The following EFNA5 variants were observed in gnomAD, a reference collection of about 807,000 sequenced individuals.
EFNA5 encodes ephrin A5.
EFNA5 carries 5 observed loss-of-function variants against 22.9 expected under a neutral mutation model. That is an observed-to-expected ratio of 0.22 (90% CI 0.11 to 0.46). The LOEUF is 0.46. Among genes scored for constraint, EFNA5 ranks in the 20% least tolerant of loss-of-function variants. The pLI, the probability that EFNA5 is intolerant of heterozygous loss-of-function variation, is 0.99. For synonymous variants in EFNA5, 113 were observed against 112.2 expected (o/e 1.01, Z -0.04); for missense variants, 237 against 293.3 (o/e 0.81, Z 1.40).
chr5:107,625,476 T>C (rs1750123274), intron 1 of EFNA5, among the ~76,000 whole-genome samples: 2 of 152,162 alleles, frequency 1.3e-5, no homozygotes, highest in Non-Finnish European at 2.9e-5. Context: ...TAACAATTTA[T>C]ATAAACTACA....
At chr5:107,578,702 C>T (rs550672222) in intron 1 of EFNA5, among the ~76,000 whole-genome samples, 1 of 152,164 alleles carries the variant, frequency 6.6e-6, no homozygotes, top group African/African-American at 2.4e-5. Context: ...TTTGTTCTCC[C>T]CAAACACACA....
At chr5:107,528,409 CA>C (rs1216215537) in intron 1 of EFNA5, among the ~76,000 whole-genome samples, 1 of 152,040 alleles carries the variant, frequency 6.6e-6, no homozygotes, top group African/African-American at 2.4e-5. Context: ...TTAATTTACT[CA>C]GAATATCTAC....
At chr5:107,512,774 T>C (rs1457571147) in intron 1 of EFNA5, among the ~76,000 whole-genome samples, 1 of 152,042 alleles carries the variant, frequency 6.6e-6, no homozygotes, top group Non-Finnish European at 1.5e-5. Flanking sequence ...ACTTAACTTC[T>C]TTTATACCTC....
chr5:107,628,739 T>C lies in EFNA5; in HGVS notation c.125+41750A>G, dbSNP rs139751402. 1.6e-3 allele frequency among the ~76,000 whole-genome samples: 250 copies of C among 152,286 alleles called. 3 individuals carry two copies. Among genetic ancestry groups the C allele is most frequent in the African/African-American group, 5.9e-3 (246 of 41,568 alleles). ...CAAAATAAAATGGATGTGAATCCCA[T>C]GCAAGCTGTCCCTTAGTCTTCTGAA... On this transcript the variant is annotated intron_variant, in intron 1 of 4. Coordinates refer to ENST00000333274, the MANE Select transcript of EFNA5 (RefSeq NM_001962.3).
intron 1 of EFNA5, among the ~76,000 whole-genome samples, chr5:107,509,851 C>T (rs1353621597): frequency 6.6e-6 from 1 of 152,140 alleles, no homozygotes; most frequent in Non-Finnish European, 1.5e-5. Context: ...ACATAATGGA[C>T]ACTCAGAACA....
intron 1 of EFNA5, among the ~76,000 whole-genome samples, chr5:107,641,017 TAGATAGACAGAC>T (rs1444771748): frequency 8.6e-4 from 98 of 113,744 alleles, no homozygotes; most frequent in Middle Eastern, 4.9e-3. Flanking sequence ...GATAGATAGA[TAGATAGACAGAC>T]AGACAGACAG....
intron 2 of EFNA5, among the ~76,000 whole-genome samples, chr5:107,412,187 T>A (rs549893851): frequency 2.0e-5 from 3 of 152,346 alleles, no homozygotes; most frequent in African/African-American, 7.2e-5. Flanking sequence ...AACCTGTTTC[T>A]GATGGTAGAA....
rs138157178 is a variant in EFNA5, at chr5:107,540,984, G to A, written c.126-113475C>T. On this transcript the variant is annotated intron_variant, in intron 1 of 4. Transcript: ENST00000333274. Reference sequence around the variant, plus strand: ...TAGCCGGGCATGGTGGCGTGGGCCTGTAATCCCAGCTACTCGGGAGGCTGA... The same window carrying A: ...TAGCCGGGCATGGTGGCGTGGGCCTATAATCCCAGCTACTCGGGAGGCTGA... Among the ~76,000 whole-genome samples, 66 of 152,214 alleles carry A rather than the reference G, an allele frequency of 4.3e-4. No homozygotes were observed. In the East Asian group the frequency reaches 0.011, roughly 25 times the overall value.
At chr5:107,511,038 G>GTA (rs889673852) in intron 1 of EFNA5, among the ~76,000 whole-genome samples, 3 of 151,528 alleles carry the variant, frequency 2.0e-5, no homozygotes, top group African/African-American at 7.3e-5. Context: ...GTGTGTGTGT[G>GTA]TGTGAGACGG....
rs780240959 is a variant in EFNA5 at position 107,387,776 on chromosome 5, G to A, written c.419-5C>T. 18 of 1,606,020 alleles carry A rather than the reference G, an allele frequency of 1.1e-5. No homozygotes were observed. In the East Asian group the frequency reaches 3.6e-4, roughly 32 times the overall value. On this transcript the variant is annotated splice_region_variant and splice_polypyrimidine_tract_variant and intron_variant, in intron 2 of 4. Transcript: ENST00000333274. ...CATTATCTGGGATTGCAGAGGCTGT[G>A]GGTAACACAGAGAGAGAGCAGGAAA...
intron 1 of EFNA5, among the ~76,000 whole-genome samples, chr5:107,587,550 G>T (rs164974): frequency 6.6e-6 from 1 of 151,928 alleles, no homozygotes; most frequent in Non-Finnish European, 1.5e-5. Flanking sequence ...GGAGTCTTGC[G>T]CTGTTGCCCA....
At chr5:107,471,352 T>A (rs1363840688) in intron 1 of EFNA5, among the ~76,000 whole-genome samples, 1 of 152,198 alleles carries the variant, frequency 6.6e-6, no homozygotes, top group African/African-American at 2.4e-5. Context: ...TTAAGTTCTG[T>A]TAAGCTTTCA....
intron 1 of EFNA5, among the ~76,000 whole-genome samples, chr5:107,539,359 G>A (rs1238377341): frequency 6.6e-6 from 1 of 152,236 alleles, no homozygotes; most frequent in Non-Finnish European, 1.5e-5. Flanking sequence ...GCTGTGGCAT[G>A]GCTGTGGGTA....
chr5:107,508,932 T>C (rs976076513), intron 1 of EFNA5, among the ~76,000 whole-genome samples: 1 of 152,242 alleles, frequency 6.6e-6, no homozygotes, highest in Non-Finnish European at 1.5e-5. Flanking sequence ...TGTTCCTTTA[T>C]TGTATTGCAG....
intron 1 of EFNA5, among the ~76,000 whole-genome samples, chr5:107,514,079 G>A (rs1243960833): frequency 2.0e-5 from 3 of 152,134 alleles, no homozygotes; most frequent in African/African-American, 7.2e-5. Context: ...GTTTTCTGCT[G>A]TTTCTGTCAT....
At chr5:107,615,400 G>A (rs866656890) in intron 1 of EFNA5, among the ~76,000 whole-genome samples, 9 of 152,098 alleles carry the variant, frequency 5.9e-5, no homozygotes, top group South Asian at 2.1e-4. Context: ...CAGGGGGAGG[G>A]GGGAGTGGTA....
chr5:107,508,404 C>T (rs892378843), intron 1 of EFNA5, among the ~76,000 whole-genome samples: 13 of 152,192 alleles, frequency 8.5e-5, no homozygotes, highest in African/African-American at 2.2e-4. Context: ...CACACACAGA[C>T]GAATGTCATC....
intron 2 of EFNA5, among the ~76,000 whole-genome samples, chr5:107,419,184 G>A (rs1441303337): frequency 6.6e-6 from 1 of 152,104 alleles, no homozygotes; most frequent in Non-Finnish European, 1.5e-5. Context: ...TTTCATAAGA[G>A]GAAATTACAA....
intron 1 of EFNA5, among the ~76,000 whole-genome samples, chr5:107,669,950 C>G (rs1280217218): frequency 6.6e-6 from 1 of 151,658 alleles, no homozygotes; most frequent in Non-Finnish European, 1.5e-5. Context: ...CTAAAGCTTC[C>G]GCTTCCCAGC....
Sources: gnomAD v4.1 joint callset for allele counts (sites outside exome capture counted in the v4.1 genomes callset) on GRCh38, gnomAD v4.1.1 for gene constraint, MANE v1.5 for transcripts, NCBI Gene and HGNC (gene_info 2026-07-23, HGNC 2026-07-21) for gene names.